The following BCL11B variants were observed in gnomAD, a reference collection of about 807,000 sequenced individuals.
BCL11B encodes B-cell lymphoma/leukemia 11B.
In BCL11B, 8 loss-of-function variants were observed where a neutral mutation model predicts 49.9. That is an observed-to-expected ratio of 0.16 (90% CI 0.09 to 0.29). The LOEUF is 0.29. Among genes scored for constraint, BCL11B ranks in the 10% least tolerant of loss-of-function variants. The pLI, the probability that BCL11B is intolerant of heterozygous loss-of-function variation, is 1.00. For synonymous variants in BCL11B, 739 were observed against 637.4 expected, an observed-to-expected ratio of 1.16 and a Z score of -2.40; for missense variants, 1,006 against 1,351.0, an observed-to-expected ratio of 0.74 and a Z score of 4.00.
intron 3 of BCL11B, among the ~76,000 whole-genome samples, chr14:99,181,915 C>T (rs1013756467): frequency 3.9e-5 from 6 of 152,222 alleles, no homozygotes; most frequent in African/African-American, 1.4e-4. Flanking sequence ...ATGCCGTCTC[C>T]ACAGTTCCAA....
intron 1 of BCL11B, chr14:99,264,155 G>A (rs987450475): frequency 1.3e-5 from 2 of 152,196 alleles, no homozygotes; most frequent in Middle Eastern, 3.2e-3. Flanking sequence ...AGAAAAGAAG[G>A]GCTTCCACAC....
rs970052489 is a variant in BCL11B, at chr14:99,170,612, G to A, written c.*3539C>T. On this transcript the variant is annotated 3_prime_UTR_variant, in exon 4 of 4. Transcript: ENST00000357195. ...ACCAATGGAGGATGAAGGATGGAGA[G>A]GAAACGCAGGGGAAGGAGAGAGAAC... is the stretch of plus-strand genomic sequence containing the variant. 10 of 232,688 alleles carry A rather than the reference G, an allele frequency of 4.3e-5. No individual in the cohort carries two copies. Among genetic ancestry groups the A allele is most frequent in the African/African-American group, 1.8e-4 (8 of 45,250 alleles). 14.4% of individuals were successfully genotyped at this position (232,688 alleles called of 1,614,324 possible).
rs1372228794 is a variant in BCL11B, at chr14:99,172,475, T to A, written c.*1676A>T. The stretch of plus-strand genomic sequence containing the variant: ...ATGTACTTTTCTTGTTTTACTTTTT[T>A]AAAAAGTCTTTTCATTTCAAAAAAA... On this transcript the variant is annotated 3_prime_UTR_variant, in exon 4 of 4. Transcript: ENST00000357195. 1.4e-5 allele frequency: 3 copies of A among 208,350 alleles called. No individual in the cohort carries two copies. The highest frequency in any genetic ancestry group is 1.2e-4 in the Admixed American group (2 of 16,934). The allele number at this position is 208,350 out of a possible 1,614,324, so 12.9% of individuals were successfully genotyped here. A position where few individuals can be genotyped will look rare whatever the true frequency, so the allele number is the denominator to read the frequency against.
intron 1 of BCL11B, among the ~76,000 whole-genome samples, chr14:99,269,521 C>CA (rs959071300): frequency 4.5e-5 from 6 of 132,072 alleles, no homozygotes; most frequent in African/African-American, 1.0e-4. Context: ...CTATTCCCCC[C>CA]CCCCCAAAAA....
At chr14:99,230,722 AGCTGT>A (rs1182947819) in intron 3 of BCL11B, among the ~76,000 whole-genome samples, 1 of 152,110 alleles carries the variant, frequency 6.6e-6, no homozygotes, top group Non-Finnish European at 1.5e-5. Context: ...CGGCACAAAC[AGCTGT>A]GTCTGGGTCT....
chr14:99,229,735 C>T (rs186078526), intron 3 of BCL11B, among the ~76,000 whole-genome samples: 45 of 152,220 alleles, frequency 3.0e-4, no homozygotes, highest in African/African-American at 1.1e-3. Flanking sequence ...GGAACTTGAC[C>T]GCGTCCAGTA....
rs1889367816 is a variant in BCL11B, at chr14:99,262,598, C to T, written c.59-4759G>A. ...ATGTTTACAAGAAATGTTCAGCATC[C>T]ATCCGCCCGAGCTCTGCATCCGACT... On this transcript the variant is annotated intron_variant, in intron 1 of 3. Transcript: ENST00000357195. This position sits in a 1 kb window ranked among gnomAD's most constrained non-coding sequence, Gnocchi z 4.2. 6.6e-6 allele frequency among the ~76,000 whole-genome samples: 1 copy of T among 152,180 alleles called. No homozygotes were observed. The highest frequency in any genetic ancestry group is 6.5e-5 in the Admixed American group (1 of 15,282).
intron 3 of BCL11B, among the ~76,000 whole-genome samples, chr14:99,222,157 GA>G: frequency 6.6e-6 from 1 of 152,182 alleles, no homozygotes; most frequent in South Asian, 2.1e-4. Flanking sequence ...CCTCAGGTTC[GA>G]AAAGTCAAGT....
At chr14:99,224,053 C>G (rs993679473) in intron 3 of BCL11B, among the ~76,000 whole-genome samples, 4 of 152,244 alleles carry the variant, frequency 2.6e-5, no homozygotes, top group Non-Finnish European at 4.4e-5. Flanking sequence ...ATTTCCGGAT[C>G]CCTCAGTCCA....
intron 2 of BCL11B, among the ~76,000 whole-genome samples, chr14:99,256,971 C>T (rs1889182175): frequency 6.6e-6 from 1 of 152,122 alleles, no homozygotes; most frequent in African/African-American, 2.4e-5. Flanking sequence ...AATGAGCACT[C>T]CCATTCCTAA....
At chr14:99,270,206 C>T (rs1566838917) in intron 1 of BCL11B, among the ~76,000 whole-genome samples, 2 of 152,032 alleles carry the variant, frequency 1.3e-5, no homozygotes, top group South Asian at 2.1e-4. Context: ...CGATTTCAGC[C>T]GGTGGATTTC....
At chr14:99,179,244 C>T (rs112607875) in intron 3 of BCL11B, among the ~76,000 whole-genome samples, 3 of 152,090 alleles carry the variant, frequency 2.0e-5, no homozygotes, top group Non-Finnish European at 4.4e-5. Flanking sequence ...GAGGCCGAAG[C>T]GGGCGGATCA....
intron 3 of BCL11B, among the ~76,000 whole-genome samples, chr14:99,209,232 G>C (rs1482907575): frequency 6.6e-6 from 1 of 152,196 alleles, no homozygotes; most frequent in Non-Finnish European, 1.5e-5. Flanking sequence ...GGACTCTGAA[G>C]GGAAAGGGCG....
At chr14:99,261,878 TACAC>T (rs35001476) in intron 1 of BCL11B, among the ~76,000 whole-genome samples, 3 of 151,420 alleles carry the variant, frequency 2.0e-5, no homozygotes, top group East Asian at 1.9e-4. Context: ...AATCTGTATT[TACAC>T]ACACACACAC....
intron 3 of BCL11B, among the ~76,000 whole-genome samples, chr14:99,210,572 C>A (rs1415301201): frequency 1.3e-5 from 2 of 152,164 alleles, no homozygotes; most frequent in African/African-American, 4.8e-5. Context: ...CAGGCTCCCA[C>A]AGGAGCCCAA....
chr14:99,209,167 CCA>C (rs1566810911), intron 3 of BCL11B, among the ~76,000 whole-genome samples: 2 of 152,128 alleles, frequency 1.3e-5, no homozygotes, highest in Non-Finnish European at 2.9e-5. Context: ...CCTATGAGCC[CCA>C]GTTTCCTCAT....
At chr14:99,258,468 C>T (rs1477951109) in intron 1 of BCL11B, among the ~76,000 whole-genome samples, 1 of 151,326 alleles carries the variant, frequency 6.6e-6, no homozygotes, top group Non-Finnish European at 1.5e-5. Flanking sequence ...CATTCCTCTA[C>T]CTGGGACCTG....
At position 99,231,924 on chromosome 14, in the gene BCL11B, T is replaced by C. The variant is rs950038228; in HGVS notation, c.428-367A>G. Among the ~76,000 whole-genome samples the C allele has an allele frequency of 2.0e-5, 3 of 151,976 alleles. No individual in the cohort carries two copies. The highest frequency in any genetic ancestry group is 4.4e-5 in the Non-Finnish European group (3 of 67,948). ...CTGGAGCAATCAAATAGGTTCCATT[T>C]GGGGATTTGTTTCCAAAACTTCGGG... On this transcript the variant is annotated intron_variant, in intron 2 of 3. Coordinates refer to ENST00000357195, the MANE Select transcript of BCL11B (RefSeq NM_138576.4). The surrounding 1 kb of genome is among the most constrained non-coding windows in gnomAD (Gnocchi z 8.1).
chr14:99,178,027 C>T lies in BCL11B; in HGVS notation c.641-1832G>A, dbSNP rs946300665. On this transcript the variant is annotated intron_variant, in intron 3 of 3. Transcript: ENST00000357195. ...CTGGACTTGCCAGTTTCTGAGGGGC[C>T]GGGACCTCCCCAAGACATCGCATGC... Among the ~76,000 whole-genome samples, 7 of 152,184 alleles carry T rather than the reference C, an allele frequency of 4.6e-5. No homozygotes were observed. The East Asian group carries it at 7.7e-4, about 17-fold the overall frequency.
Sources: allele counts gnomAD v4.1 joint callset (sites outside exome capture counted in the v4.1 genomes callset), GRCh38; gene constraint gnomAD v4.1.1; non-coding constraint Gnocchi (gnomAD v3.1); transcripts MANE v1.5; gene names NCBI Gene and HGNC (gene_info 2026-07-23, HGNC 2026-07-21).